The following RANBP2 variants were observed in gnomAD, a reference collection of about 807,000 sequenced individuals.
The protein encoded by RANBP2 is E3 SUMO-protein ligase RanBP2.
Under a neutral mutation model 303.6 loss-of-function variants are expected in RANBP2, and 57 were observed. That is an observed-to-expected ratio of 0.19 (90% CI 0.15 to 0.23). The LOEUF is 0.23. Among genes scored for constraint, RANBP2 ranks in the 10% least tolerant of loss-of-function variants. The probability of loss-of-function intolerance (pLI) is 1.00; values close to 1 mark genes in which losing one functional copy is unlikely to be tolerated. For missense variants in RANBP2, 3,138 were observed against 3,780.8 expected, an observed-to-expected ratio of 0.83 and a Z score of 4.46; for synonymous variants, 1,167 against 1,301.5, an observed-to-expected ratio of 0.90 and a Z score of 2.23.
chr2:109,603,456 G>T, the RANBP2 span, among the ~76,000 whole-genome samples: 1 of 151,988 alleles, frequency 6.6e-6, no homozygotes, highest in Non-Finnish European at 1.5e-5. Context: ...AGCCAAGATG[G>T]TCTCAATCTC....
the RANBP2 span, among the ~76,000 whole-genome samples, chr2:109,103,771 A>G: frequency 6.6e-6 from 1 of 151,938 alleles, no homozygotes; most frequent in Non-Finnish European, 1.5e-5. Flanking sequence ...TAGTTATGTG[A>G]ATAGAGATTC....
chr2:109,778,664 T>C, the RANBP2 span, among the ~76,000 whole-genome samples: 2 of 143,302 alleles, frequency 1.4e-5, no homozygotes, highest in East Asian at 2.1e-4. Flanking sequence ...TTAGGTTCTC[T>C]TAGATATGGG....
At chr2:109,332,805 G>A in the RANBP2 span, among the ~76,000 whole-genome samples, 2 of 152,200 alleles carry the variant, frequency 1.3e-5, no homozygotes, top group Non-Finnish European at 2.9e-5. Flanking sequence ...ATAGGACTCG[G>A]AATCACCCTT....
At chr2:109,537,205 AT>A in the RANBP2 span, among the ~76,000 whole-genome samples, 1 of 152,234 alleles carries the variant, frequency 6.6e-6, no homozygotes, top group Non-Finnish European at 1.5e-5. Flanking sequence ...CTTTATCAAA[AT>A]CAGAAAGTCT....
chr2:109,422,144 C>G, the RANBP2 span, among the ~76,000 whole-genome samples: 2 of 152,156 alleles, frequency 1.3e-5, no homozygotes, highest in Non-Finnish European at 2.9e-5. Flanking sequence ...AAGTCACGTT[C>G]AGAAGTCTGA....
At chr2:109,373,194 T>G in the RANBP2 span, among the ~76,000 whole-genome samples, 3 of 152,252 alleles carry the variant, frequency 2.0e-5, no homozygotes, top group Non-Finnish European at 4.4e-5. Context: ...TTTGCACATT[T>G]GCTTTAGCTT....
the RANBP2 span, among the ~76,000 whole-genome samples, chr2:109,249,763 T>C: frequency 6.6e-6 from 1 of 151,630 alleles, no homozygotes; most frequent in Non-Finnish European, 1.5e-5. Context: ...TTCACGCCAT[T>C]CTCCTGCCTC....
the RANBP2 span, among the ~76,000 whole-genome samples, chr2:109,764,243 T>C: frequency 6.7e-6 from 1 of 149,276 alleles, no homozygotes; most frequent in Non-Finnish European, 1.5e-5. Flanking sequence ...CTTTGTTCTG[T>C]AGAGTCTTGA....
the RANBP2 span, among the ~76,000 whole-genome samples, chr2:109,353,968 C>G: frequency 3.9e-5 from 6 of 152,254 alleles, no homozygotes; most frequent in African/African-American, 1.4e-4. Flanking sequence ...CCTAGATGCT[C>G]TGGAAAGTCA....
chr2:109,249,485 C>CTT, the RANBP2 span, among the ~76,000 whole-genome samples: 2 of 20,726 alleles, frequency 9.6e-5, no homozygotes, highest in Admixed American at 6.8e-4. Flanking sequence ...TTCTTTCTTT[C>CTT]TTTCTTTCTT....
chr2:109,241,777 T>C, the RANBP2 span, among the ~76,000 whole-genome samples: 1 of 151,978 alleles, frequency 6.6e-6, no homozygotes, highest in African/African-American at 2.4e-5. Flanking sequence ...AATTTTTTTT[T>C]TTTTTTGAGA....
In RANBP2 at chr2:108,766,228, G is replaced by A; in HGVS notation, c.5689G>A (p.Gly1897Arg). ...ATTTTCCATCCCTGTGTCTGCTGAT[G>A]GATTTAAATTTGGCATTTCGGAACC... ...EGFSIPVSAD[G>R]FKFGISEPGN... Residue 1897 changes from glycine to arginine, a missense_variant, in exon 20 of 29, where the codon GGA (glycine) becomes AGA (arginine). By Grantham distance (125) the Gly-to-Arg change is moderately radical. Transcript: ENST00000283195. The A allele has an allele frequency of 1.9e-6, 3 of 1,612,150 alleles. No homozygotes were observed. Among genetic ancestry groups the A allele is most frequent in the South Asian group, 2.2e-5 (2 of 90,998 alleles).
the RANBP2 span, chr2:109,129,720 T>C: frequency 6.5e-7 from 1 of 1,537,790 alleles, no homozygotes; most frequent in South Asian, 1.2e-5. Flanking sequence ...GCTCCGTGTG[T>C]CTGGAGCGCC....
chr2:109,701,081 G>C, the RANBP2 span, among the ~76,000 whole-genome samples: 2 of 152,198 alleles, frequency 1.3e-5, no homozygotes, highest in Non-Finnish European at 2.9e-5. Flanking sequence ...TCCAGGCTCA[G>C]CCTTGCCGCT....
chr2:108,871,333 G>C, the RANBP2 span, among the ~76,000 whole-genome samples: 2 of 127,918 alleles, frequency 1.6e-5, no homozygotes, highest in African/African-American at 6.0e-5. Flanking sequence ...AGGAGTTCAA[G>C]CCCAGCCTGG....
At chr2:109,794,648 G>C in the RANBP2 span, 1 of 898,334 alleles carries the variant, frequency 1.1e-6, no homozygotes, top group Non-Finnish European at 1.3e-6. Context: ...TGGCTCAGGC[G>C]TCATGTCTCC....
At chr2:109,223,800 G>A in the RANBP2 span, among the ~76,000 whole-genome samples, 2 of 152,216 alleles carry the variant, frequency 1.3e-5, no homozygotes, top group African/African-American at 2.4e-5. Flanking sequence ...ACATGAAAGT[G>A]TTCAATACAT....
chr2:109,043,993 A>G, the RANBP2 span, among the ~76,000 whole-genome samples: 5 of 152,082 alleles, frequency 3.3e-5, no homozygotes, highest in Admixed American at 1.3e-4. Flanking sequence ...GATGATGGAG[A>G]GGCATTTTTG....
the RANBP2 span, chr2:109,614,682 ACTGTGCGCGTCGATCCCGCCGACGG>A: frequency 6.7e-7 from 1 of 1,486,578 alleles, no homozygotes; most frequent in Non-Finnish European, 8.9e-7. Context: ...CGCCGTGGCC[ACTGTGCGCGTCGATCCCGCCGACGG>A]CGCCAAGTAC....
Sources: gnomAD v4.1 joint callset for allele counts (sites outside exome capture counted in the v4.1 genomes callset) on GRCh38, gnomAD v4.1.1 for gene constraint, MANE v1.5 for transcripts, NCBI Gene and HGNC (gene_info 2026-07-23, HGNC 2026-07-21) for gene names.